The following ZNF277 variants were observed in gnomAD, a reference collection of about 807,000 sequenced individuals.
The protein encoded by ZNF277 is zinc finger protein 277.
A neutral mutation model predicts 60.7 loss-of-function variants in ZNF277; 55 were observed. The ratio of observed to expected loss-of-function variants is 0.91; its 90% CI spans 0.73 to 1.13. The LOEUF (loss-of-function observed/expected upper bound fraction) is 1.13, where lower values mean the gene tolerates loss of function less well. Among genes scored for constraint, ZNF277 ranks in the 50% most tolerant of loss-of-function variants. The pLI is 0.00. For missense variants in ZNF277, 510 were observed against 523.0 expected (o/e 0.98, Z 0.24); for synonymous variants, 178 against 179.3 (o/e 0.99, Z 0.06).
intron 1 of ZNF277, among the ~76,000 whole-genome samples, chr7:112,230,167 C>T (rs1472630940): frequency 6.6e-6 from 1 of 152,020 alleles, no homozygotes; most frequent in African/African-American, 2.4e-5. Flanking sequence ...TGGCTCACGC[C>T]TGTAATCTCA....
intron 1 of ZNF277, among the ~76,000 whole-genome samples, chr7:112,227,565 C>T (rs1405482412): frequency 6.6e-6 from 1 of 152,164 alleles, no homozygotes; most frequent in East Asian, 1.9e-4. Context: ...TTTACACATC[C>T]AATTAGGTTA....
intron 2 of ZNF277, chr7:112,287,847 A>T (rs1230954753): frequency 6.6e-6 from 1 of 151,642 alleles, no homozygotes; most frequent in Non-Finnish European, 1.5e-5. Context: ...ACTTTAAAAA[A>T]ATCTTTACAT....
intron 1 of ZNF277, among the ~76,000 whole-genome samples, chr7:112,284,278 C>T (rs1030224825): frequency 3.3e-5 from 5 of 152,104 alleles, no homozygotes; most frequent in Non-Finnish European, 5.9e-5. Context: ...GCAGTCAAAC[C>T]AATAAATTTC....
chr7:112,235,617 T>C (rs1418754794), intron 1 of ZNF277, among the ~76,000 whole-genome samples: 1 of 152,066 alleles, frequency 6.6e-6, no homozygotes, highest in African/African-American at 2.4e-5. Context: ...TTTATCTTTT[T>C]TATTATTTGT....
chr7:112,303,157 G>A (rs796389332), intron 4 of ZNF277, among the ~76,000 whole-genome samples: 2 of 151,916 alleles, frequency 1.3e-5, no homozygotes, highest in African/African-American at 4.8e-5. Context: ...AACCATGTTG[G>A]CCAGGCTGAT....
At chr7:112,339,038 C>T (rs1389277297) in intron 9 of ZNF277, among the ~76,000 whole-genome samples, 2 of 152,058 alleles carry the variant, frequency 1.3e-5, no homozygotes, top group South Asian at 2.1e-4. Context: ...CAAAAGAAAG[C>T]GTGATTTATA....
At chr7:112,257,585 A>T (rs1283795116) in intron 1 of ZNF277, among the ~76,000 whole-genome samples, 3 of 152,130 alleles carry the variant, frequency 2.0e-5, no homozygotes, top group Admixed American at 2.0e-4. Context: ...TTTAGGTATT[A>T]GTAATACCTG....
intron 1 of ZNF277, among the ~76,000 whole-genome samples, chr7:112,270,042 C>A (rs551378640): frequency 7.9e-5 from 12 of 152,114 alleles, no homozygotes; most frequent in African/African-American, 2.4e-4. Flanking sequence ...CAGAGCAATC[C>A]TAATAAAAAG....
At chr7:112,217,131 T>G (rs566824447) in intron 1 of ZNF277, among the ~76,000 whole-genome samples, 1 of 152,324 alleles carries the variant, frequency 6.6e-6, no homozygotes, top group South Asian at 2.1e-4. Context: ...TATGACCTAA[T>G]AGGGAGGATA....
chr7:112,228,313 G>C (rs1368399730), intron 1 of ZNF277, among the ~76,000 whole-genome samples: 1 of 151,922 alleles, frequency 6.6e-6, no homozygotes, highest in Non-Finnish European at 1.5e-5. Context: ...TGGGGCTCTA[G>C]GTAAACATGT....
chr7:112,327,003 C>A (rs1793111259), intron 5 of ZNF277, among the ~76,000 whole-genome samples: 1 of 152,086 alleles, frequency 6.6e-6, no homozygotes, highest in African/African-American at 2.4e-5. Context: ...TTATCACAGC[C>A]CTTGCATTTA....
intron 4 of ZNF277, among the ~76,000 whole-genome samples, chr7:112,296,913 T>TGTA: frequency 3.2e-5 from 1 of 31,284 alleles, no homozygotes; most frequent in Non-Finnish European, 6.2e-5. Context: ...TATTTATTTA[T>TGTA]TTTTTTTTTT....
chr7:112,309,188 G>A (rs1439163607), intron 4 of ZNF277, among the ~76,000 whole-genome samples: 5 of 151,906 alleles, frequency 3.3e-5, no homozygotes, highest in Non-Finnish European at 7.4e-5. Flanking sequence ...TGACTATGCA[G>A]TTTTTACAAG....
At chr7:112,242,571 A>T (rs201693752) in intron 1 of ZNF277, among the ~76,000 whole-genome samples, 22 of 136,164 alleles carry the variant, frequency 1.6e-4, no homozygotes, top group South Asian at 7.8e-4. Context: ...AAAAAAAAAA[A>T]AACAAAATAA....
At chr7:112,224,733 G>T (rs926968705) in intron 1 of ZNF277, among the ~76,000 whole-genome samples, 1 of 152,170 alleles carries the variant, frequency 6.6e-6, no homozygotes, top group Admixed American at 6.5e-5. Flanking sequence ...GTCAGGAAAA[G>T]GGTTCAGAGG....
At chr7:112,260,549 T>G (rs1791419046) in intron 1 of ZNF277, among the ~76,000 whole-genome samples, 1 of 152,230 alleles carries the variant, frequency 6.6e-6, no homozygotes, top group African/African-American at 2.4e-5. Flanking sequence ...TGTTGGGTAT[T>G]GAGTCATTTC....
intron 5 of ZNF277, among the ~76,000 whole-genome samples, chr7:112,322,720 T>C (rs1793010801): frequency 6.6e-6 from 1 of 152,124 alleles, no homozygotes; most frequent in South Asian, 2.1e-4. Context: ...CTGGACTTTC[T>C]CAGGGGTGAT....
intron 7 of ZNF277, 24 bp from the exon 8 acceptor site, chr7:112,336,080 C>T (rs991142700): frequency 6.3e-7 from 1 of 1,598,766 alleles, no homozygotes; most frequent in South Asian, 1.1e-5. Flanking sequence ...CAATGTCTCT[C>T]ATCCCTCTGT....
chr7:112,296,259 A>G lies in ZNF277; in HGVS notation c.413A>G (p.Asp138Gly), dbSNP rs747022720. The G allele has an allele frequency of 6.3e-7, 1 of 1,589,182 alleles. No homozygotes were observed. The highest frequency in any genetic ancestry group is 1.9e-5 in the Admixed American group (1 of 53,616). Residue 138 changes from aspartate to glycine, a missense_variant, in exon 4 of 12, where the codon GAC becomes GGC. Physicochemically the swap from Asp to Gly is moderately conservative, Grantham distance 94. Coordinates refer to ENST00000361822, the MANE Select transcript of ZNF277 (RefSeq NM_021994.3). Reference sequence around the variant, plus strand: ...CAAGAGAATTATTTTTTGTTATGTGACGTTTTACCAGAAGATAGAATTCTT... The same window carrying G: ...CAAGAGAATTATTTTTTGTTATGTGGCGTTTTACCAGAAGATAGAATTCTT... Reference protein sequence around the residue: ...EEQENYFLLCDVLPEDRILRE... With the variant: ...EEQENYFLLCGVLPEDRILRE...
Sources: gnomAD v4.1 joint callset for allele counts (sites outside exome capture counted in the v4.1 genomes callset) on GRCh38, gnomAD v4.1.1 for gene constraint, MANE v1.5 for transcripts, NCBI Gene and HGNC (gene_info 2026-07-23, HGNC 2026-07-21) for gene names.